The following RABGAP1L variants were observed in gnomAD, a reference collection of about 807,000 sequenced individuals.
The protein encoded by RABGAP1L is RAB GTPase activating protein 1 like.
A neutral mutation model predicts 137.7 loss-of-function variants in RABGAP1L; 63 were observed. The ratio of observed to expected loss-of-function variants is 0.46; its 90% CI spans 0.37 to 0.56. The LOEUF (loss-of-function observed/expected upper bound fraction) is 0.56. Ranked by LOEUF, RABGAP1L falls within the 20% of genes least tolerant of loss-of-function variation. The pLI is 0.00. For synonymous variants in RABGAP1L, 431 were observed against 433.7 expected, an observed-to-expected ratio of 0.99 and a Z score of 0.08; for missense variants, 1,095 against 1,244.0, an observed-to-expected ratio of 0.88 and a Z score of 1.80.
At chr1:174,357,357 A>G (rs983021734) in intron 11 of RABGAP1L, among the ~76,000 whole-genome samples, 2 of 152,222 alleles carry the variant, frequency 1.3e-5, no homozygotes, top group Non-Finnish European at 1.5e-5. Flanking sequence ...TTGTCTCTCT[A>G]TTGTTTTTCC....
rs1665115361 is a variant in RABGAP1L at position 174,538,881 on chromosome 1, A to G, written c.1711-98494A>G. On this transcript the variant is annotated intron_variant, in intron 13 of 25. Coordinates refer to ENST00000681986, the MANE Select transcript of RABGAP1L (RefSeq NM_001366446.1). Reference sequence around the variant, plus strand: ...TTATAACCTCATTTTGTAGTGTGATAGTAGGCTATGGTAAATTTGTCTTAA... The same window carrying G: ...TTATAACCTCATTTTGTAGTGTGATGGTAGGCTATGGTAAATTTGTCTTAA... Among the ~76,000 whole-genome samples, 5 of 152,308 alleles carry G rather than the reference A, an allele frequency of 3.3e-5. No homozygotes were observed. The South Asian group carries it at 1.0e-3, about 32-fold the overall frequency.
intron 18 of RABGAP1L, chr1:174,756,924 T>C (rs924981037): frequency 3.9e-6 from 3 of 762,900 alleles, no homozygotes; most frequent in African/African-American, 1.8e-5. Flanking sequence ...GCACCACCAG[T>C]GTCCCTCAGC....
intron 13 of RABGAP1L, among the ~76,000 whole-genome samples, chr1:174,546,477 T>C (rs1457524724): frequency 6.6e-6 from 1 of 152,212 alleles, no homozygotes; most frequent in Non-Finnish European, 1.5e-5. Flanking sequence ...AAAGTTTAGA[T>C]ATTTGTTGTT....
chr1:174,800,496 T>A, intron 18 of RABGAP1L: 2 of 1,550,516 alleles, frequency 1.3e-6, no homozygotes, highest in Non-Finnish European at 1.7e-6. Flanking sequence ...CCTCGGCTTC[T>A]GGCGGTGAGA....
intron 13 of RABGAP1L, among the ~76,000 whole-genome samples, chr1:174,471,817 C>T (rs569265609): frequency 2.0e-5 from 3 of 152,184 alleles, no homozygotes; most frequent in South Asian, 4.1e-4. Flanking sequence ...CCTCTCCTGG[C>T]GTTCATATAT....
intron 7 of RABGAP1L, among the ~76,000 whole-genome samples, chr1:174,262,600 A>C (rs1462440561): frequency 2.6e-5 from 4 of 152,202 alleles, no homozygotes; most frequent in African/African-American, 9.6e-5. Context: ...GCATTGGTAC[A>C]ATTTGCAGAC....
intron 12 of RABGAP1L, among the ~76,000 whole-genome samples, chr1:174,377,502 A>C (rs1166524646): frequency 1.3e-5 from 2 of 152,228 alleles, no homozygotes; most frequent in East Asian, 3.8e-4. Flanking sequence ...ATAGACACTG[A>C]GATTAGTGGC....
chr1:174,950,937 A>T (rs1667609394), intron 19 of RABGAP1L, among the ~76,000 whole-genome samples: 1 of 152,206 alleles, frequency 6.6e-6, no homozygotes, highest in South Asian at 2.1e-4. Flanking sequence ...TGTATCTTTC[A>T]TTTCTGAATT....
chr1:174,579,316 G>A (rs1051360637), intron 13 of RABGAP1L, among the ~76,000 whole-genome samples: 9 of 152,122 alleles, frequency 5.9e-5, no homozygotes, highest in Admixed American at 4.6e-4. Context: ...AAAATGATGG[G>A]TTAGGGCAGT....
rs186359215 is a variant in RABGAP1L at position 174,171,340 on chromosome 1, A to G, written c.-34+11683A>G. 1.7e-3 allele frequency among the ~76,000 whole-genome samples: 262 copies of G among 152,292 alleles called. 1 individual carries two copies. The highest frequency in any genetic ancestry group is 3.1e-3 in the Non-Finnish European group (209 of 68,016). On this transcript the variant is annotated intron_variant, in intron 1 of 25. Transcript: ENST00000681986. The stretch of plus-strand genomic sequence containing the variant: ...ATTGTTTATATTTAAGGTATACAGC[A>G]TGTTTTGCTATACATATACAAAACA...
chr1:174,465,780 C>G (rs145037089), intron 13 of RABGAP1L, among the ~76,000 whole-genome samples: 2,192 of 152,200 alleles, frequency 0.014, 27 homozygotes, highest in Middle Eastern at 0.044. Context: ...TGCCTTCCAC[C>G]ACAACAACAT....
intron 14 of RABGAP1L, among the ~76,000 whole-genome samples, chr1:174,662,635 C>T (rs2148424000): frequency 1.3e-5 from 2 of 152,286 alleles, no homozygotes; most frequent in Non-Finnish European, 2.9e-5. Flanking sequence ...CTCAAATGAT[C>T]TGCCTGCCTT....
chr1:174,173,581 A>AT (rs1177951171), intron 1 of RABGAP1L, among the ~76,000 whole-genome samples: 5 of 152,148 alleles, frequency 3.3e-5, no homozygotes, highest in Non-Finnish European at 5.9e-5. Context: ...CATTATATAT[A>AT]TGAAAGGTCA....
intron 13 of RABGAP1L, among the ~76,000 whole-genome samples, chr1:174,526,479 T>A (rs1396922137): frequency 6.6e-6 from 1 of 152,178 alleles, no homozygotes; most frequent in Non-Finnish European, 1.5e-5. Context: ...GGCTTTTCTT[T>A]GTTGGGAGAC....
intron 3 of RABGAP1L, among the ~76,000 whole-genome samples, chr1:174,230,653 CGTT>C (rs1041422532): frequency 3.9e-5 from 6 of 152,038 alleles, no homozygotes; most frequent in African/African-American, 7.2e-5. Context: ...GCCCTTCTAT[CGTT>C]GTGGGAACCT....
chr1:174,360,851 T>C (rs1684075228), intron 11 of RABGAP1L, among the ~76,000 whole-genome samples: 1 of 152,216 alleles, frequency 6.6e-6, no homozygotes, highest in South Asian at 2.1e-4. Flanking sequence ...TTTATTCATT[T>C]AATTTATTTT....
chr1:174,852,485 T>C (rs7519721), intron 19 of RABGAP1L, among the ~76,000 whole-genome samples: 3,193 of 152,286 alleles, frequency 0.021, 124 homozygotes, highest in African/African-American at 0.074. Context: ...TTCTGCCTTA[T>C]GTGCAGTGTA....
intron 12 of RABGAP1L, among the ~76,000 whole-genome samples, chr1:174,389,771 A>G (rs35190154): frequency 1.7e-3 from 256 of 152,288 alleles, no homozygotes; most frequent in Non-Finnish European, 2.4e-3. Context: ...TAAGATATAT[A>G]AGTAAAGAAG....
chr1:174,351,086 GA>G (rs1683139001), intron 11 of RABGAP1L, among the ~76,000 whole-genome samples: 17 of 127,874 alleles, frequency 1.3e-4, no homozygotes, highest in Non-Finnish European at 2.0e-4. Flanking sequence ...GGGGGAGGGG[GA>G]GGGGGAGGGG....
Sources: gnomAD v4.1 joint callset for allele counts (sites outside exome capture counted in the v4.1 genomes callset) on GRCh38, gnomAD v4.1.1 for gene constraint, MANE v1.5 for transcripts, NCBI Gene and HGNC (gene_info 2026-07-23, HGNC 2026-07-21) for gene names.